The following DTNA variants were observed in gnomAD, a reference collection of about 807,000 sequenced individuals.
The protein encoded by DTNA is dystrobrevin alpha.
In DTNA, 43 loss-of-function variants were observed where a neutral mutation model predicts 100.7. That is an observed-to-expected ratio of 0.43 (90% CI 0.33 to 0.55). The LOEUF (loss-of-function observed/expected upper bound fraction) is 0.55, where lower values mean the gene tolerates loss of function less well. Among genes scored for constraint, DTNA ranks in the 20% least tolerant of loss-of-function variants. The pLI, the probability that DTNA is intolerant of heterozygous loss-of-function variation, is 0.04. For missense variants in DTNA, 798 were observed against 953.9 expected (o/e 0.84, Z 2.15); for synonymous variants, 349 against 347.9 (o/e 1.00, Z -0.04).
At position 34,888,792 on chromosome 18, in the gene DTNA, T is replaced by A. The variant is rs1191735520; in HGVS notation, c.*1058T>A. ...CACCGCTCGTTCACAAGTTCCCCCA[T>A]CAAGTTGTTTGGAGGCCTTCAGCTT... On this transcript the variant is annotated 3_prime_UTR_variant, in exon 23 of 23. Coordinates refer to ENST00000444659, the MANE Select transcript of DTNA (RefSeq NM_001386795.1). The A allele has an allele frequency of 1.0e-6, 1 of 985,770 alleles. No homozygotes were observed. Among genetic ancestry groups the A allele is most frequent in the Admixed American group, 6.1e-5 (1 of 16,264 alleles). The allele number at this position is 985,770 out of a possible 1,614,324, so 61.1% of individuals were successfully genotyped here. A position where few individuals can be genotyped will look rare whatever the true frequency, so the allele number is the denominator to read the frequency against.
At chr18:34,566,455 G>GA (rs1283707214) in intron 1 of DTNA, among the ~76,000 whole-genome samples, 2 of 152,258 alleles carry the variant, frequency 1.3e-5, no homozygotes, top group South Asian at 2.1e-4. Context: ...AATGGACAAA[G>GA]AAATTAAACC....
chr18:34,546,900 G>A (rs541461419), intron 1 of DTNA, among the ~76,000 whole-genome samples: 20 of 151,886 alleles, frequency 1.3e-4, no homozygotes, highest in Admixed American at 4.6e-4. Context: ...TATTAGAGAC[G>A]GGGTTTTGCT....
intron 19 of DTNA, among the ~76,000 whole-genome samples, chr18:34,878,681 T>A (rs113248665): frequency 0.019 from 2,929 of 152,340 alleles, 89 homozygotes; most frequent in African/African-American, 0.068. Flanking sequence ...TGAAGATAGA[T>A]CTGCCCAGAA....
chr18:34,558,751 A>G (rs567401866), intron 1 of DTNA, among the ~76,000 whole-genome samples: 64 of 152,286 alleles, frequency 4.2e-4, no homozygotes, highest in African/African-American at 1.5e-3. Flanking sequence ...CAGCCCAAGC[A>G]GATATCTAGG....
chr18:34,867,448 A>G (rs2096717929), intron 17 of DTNA: 2 of 1,224,240 alleles, frequency 1.6e-6, no homozygotes, highest in Non-Finnish European at 2.0e-6. Flanking sequence ...ATAATTGCCC[A>G]TGAATGCATA....
chr18:34,572,742 C>G (rs565012078), intron 1 of DTNA, among the ~76,000 whole-genome samples: 7 of 152,264 alleles, frequency 4.6e-5, no homozygotes, highest in Admixed American at 2.6e-4. Flanking sequence ...CCACTTCCAT[C>G]TAACTCCCAC....
rs528602045 is a variant in DTNA at position 34,609,468 on chromosome 18, T to G, written c.-2+115954T>G. Among the ~76,000 whole-genome samples the G allele has an allele frequency of 3.3e-5, 5 of 152,128 alleles. 1 individual carries two copies. The South Asian group carries it at 1.0e-3, about 32-fold the overall frequency. On this transcript the variant is annotated intron_variant, in intron 1 of 19. Coordinates refer to the DTNA transcript ENST00000283365. ...ACCGTGTTAGCCAGGATGGTCTCGATCTCCTCATCTCGTGATCCGCCTGTC... is the reference window on the plus strand; with the variant it reads ...ACCGTGTTAGCCAGGATGGTCTCGAGCTCCTCATCTCGTGATCCGCCTGTC...
chr18:34,678,453 C>G (rs565343172), intron 1 of DTNA, among the ~76,000 whole-genome samples: 2 of 152,036 alleles, frequency 1.3e-5, no homozygotes, highest in African/African-American at 4.8e-5. Context: ...TCCTTCCATC[C>G]CTTCCCTTTC....
intron 1 of DTNA, among the ~76,000 whole-genome samples, chr18:34,746,433 G>A (rs2091589010): frequency 6.6e-6 from 1 of 152,054 alleles, no homozygotes; most frequent in Non-Finnish European, 1.5e-5. Context: ...TCCAATGTGA[G>A]GCTCAGCCAT....
chr18:34,884,671 A>G (rs2096905804), intron 21 of DTNA, 57 bp from the exon 22 acceptor site: 1 of 1,586,788 alleles, frequency 6.3e-7, no homozygotes, highest in Non-Finnish European at 8.7e-7. Context: ...CACCAGCTTG[A>G]CTGCATCACA....
chr18:34,563,011 C>T (rs569972334), intron 1 of DTNA, among the ~76,000 whole-genome samples: 10 of 152,292 alleles, frequency 6.6e-5, no homozygotes, highest in African/African-American at 1.4e-4. Context: ...TAATGAGTTA[C>T]GGCGTGAATT....
intron 15 of DTNA, among the ~76,000 whole-genome samples, chr18:34,857,733 T>C (rs1284274839): frequency 1.3e-5 from 2 of 152,194 alleles, no homozygotes; most frequent in African/African-American, 4.8e-5. Context: ...GAGAAAGAAT[T>C]TTGTCTAACT....
intron 1 of DTNA, among the ~76,000 whole-genome samples, chr18:34,513,364 C>T (rs940296656): frequency 1.1e-4 from 16 of 152,214 alleles, no homozygotes; most frequent in African/African-American, 3.1e-4. Context: ...CTTTACCTAG[C>T]GATAGGCTAA....
intron 1 of DTNA, among the ~76,000 whole-genome samples, chr18:34,552,765 T>A (rs1353870333): frequency 6.6e-6 from 1 of 151,048 alleles, no homozygotes; most frequent in Non-Finnish European, 1.5e-5. Context: ...ATTTCCTTAA[T>A]CCAGTCTATC....
chr18:34,657,452 G>A (rs9960502), intron 1 of DTNA, among the ~76,000 whole-genome samples: 43,175 of 152,000 alleles, frequency 0.28, 7,757 homozygotes, highest in African/African-American at 0.51. Flanking sequence ...AAAGAGTTAA[G>A]AAACAATTTC....
chr18:34,693,643 GAGAATTAACC>G (rs1046118434), intron 1 of DTNA, among the ~76,000 whole-genome samples: 1 of 152,050 alleles, frequency 6.6e-6, no homozygotes, highest in African/African-American at 2.4e-5. Context: ...AGTATTAATT[GAGAATTAACC>G]AAATATCAGG....
chr18:34,856,476 A>C (rs992819837), intron 15 of DTNA, among the ~76,000 whole-genome samples: 1 of 152,230 alleles, frequency 6.6e-6, no homozygotes, highest in Non-Finnish European at 1.5e-5. Context: ...GGAGCCAGTC[A>C]GGGTTAGTAT....
intron 17 of DTNA, chr18:34,868,807 CTTGAA>C (rs913853027): frequency 4.0e-5 from 39 of 974,362 alleles, no homozygotes; most frequent in East Asian, 3.4e-4. Context: ...TTTTACAAAA[CTTGAA>C]TTGAAGTTAT....
intron 1 of DTNA, among the ~76,000 whole-genome samples, chr18:34,527,547 A>G (rs948492789): frequency 6.6e-6 from 1 of 152,084 alleles, no homozygotes; most frequent in African/African-American, 2.4e-5. Flanking sequence ...TGGCAAAACA[A>G]ATCTGTATTT....
Sources: allele counts gnomAD v4.1 joint callset (sites outside exome capture counted in the v4.1 genomes callset), GRCh38; gene constraint gnomAD v4.1.1; transcripts MANE v1.5; gene names NCBI Gene and HGNC (gene_info 2026-07-23, HGNC 2026-07-21).